CAMTA1: variants seen among roughly 807,000 people sequenced by gnomAD.
CAMTA1 encodes calmodulin binding transcription activator 1, also known as calmodulin-binding transcription activator 1.
In CAMTA1, 27 loss-of-function variants were observed where a neutral mutation model predicts 170.9. That is an observed-to-expected ratio of 0.16 (90% CI 0.12 to 0.22). The LOEUF is 0.22. CAMTA1 is among the 10% of genes least tolerant of loss of function. The pLI is 1.00. For missense variants in CAMTA1, 1,619 were observed against 2,217.2 expected (o/e 0.73, Z 5.42); for synonymous variants, 833 against 891.5 (o/e 0.93, Z 1.17).
intron 4 of CAMTA1, among the ~76,000 whole-genome samples, chr1:7,218,666 G>A (rs946657679): frequency 1.3e-5 from 2 of 152,046 alleles, no homozygotes; most frequent in Non-Finnish European, 2.9e-5. Flanking sequence ...TTTCTTCCCT[G>A]TAGGATGTAC....
At chr1:7,003,425 G>A (rs934809384) in intron 3 of CAMTA1, among the ~76,000 whole-genome samples, 1 of 152,234 alleles carries the variant, frequency 6.6e-6, no homozygotes, top group Non-Finnish European at 1.5e-5. Flanking sequence ...ATGTTTGGTG[G>A]CAGCAGGGGT....
intron 7 of CAMTA1, among the ~76,000 whole-genome samples, chr1:7,659,515 C>T (rs2095936071): frequency 6.6e-6 from 1 of 152,052 alleles, no homozygotes; most frequent in Admixed American, 6.6e-5. Context: ...GCCTGGGCAA[C>T]AGAGCGAGAC....
chr1:6,925,115 A>G (rs538965552), intron 3 of CAMTA1, among the ~76,000 whole-genome samples: 79 of 152,322 alleles, frequency 5.2e-4, no homozygotes, highest in Non-Finnish European at 9.1e-4. Flanking sequence ...GGCAGTGGGC[A>G]GGGGGCCCAA....
intron 3 of CAMTA1, among the ~76,000 whole-genome samples, chr1:6,882,990 G>A (rs72638526): frequency 0.057 from 8,716 of 152,162 alleles, 392 homozygotes; most frequent in East Asian, 0.24. Context: ...TCCACTTCCC[G>A]GGTTCAAGTG....
intron 3 of CAMTA1, among the ~76,000 whole-genome samples, chr1:6,975,177 ACT>A (rs1693196734): frequency 6.6e-6 from 1 of 152,156 alleles, no homozygotes; most frequent in African/African-American, 2.4e-5. Flanking sequence ...AGCATTCCAC[ACT>A]GTCTCCCCCC....
rs79149199 is a variant in CAMTA1, at chr1:7,363,777, C to T, written c.439-104053C>T. On this transcript the variant is annotated intron_variant, in intron 5 of 22. Transcript: ENST00000303635. ...ACTCTCCATGAGTGGAGTGTGGCAG[C>T]GCTGTGGTTAGCTGGCCAGGTGAGG... Among the ~76,000 whole-genome samples the T allele has an allele frequency of 1.1e-3, 170 of 152,210 alleles. 2 individuals carry two copies. The East Asian group carries it at 0.026, about 23-fold the overall frequency.
In CAMTA1 at chr1:7,138,444, A is replaced by G. The variant is rs75645417; in HGVS notation, c.302+47073A>G. On this transcript the variant is annotated intron_variant, in intron 4 of 22. Transcript: ENST00000303635. ...GACTAAAAAGAATCACAAGATTTAA[A>G]TATGCATTTTTATGGATAATTAGAA... Among the ~76,000 whole-genome samples, 1,387 of 152,338 alleles carry G rather than the reference A, an allele frequency of 9.1e-3. 29 individuals are homozygous for G. Among genetic ancestry groups the G allele is most frequent in the African/African-American group, 0.032 (1,319 of 41,566 alleles).
chr1:6,902,038 G>GTC (rs1185809657), intron 3 of CAMTA1, among the ~76,000 whole-genome samples: 4 of 64,150 alleles, frequency 6.2e-5, no homozygotes, highest in Admixed American at 2.0e-4. Flanking sequence ...AGGTGAGACT[G>GTC]TCACACACAC....
chr1:6,801,871 A>G (rs952261175), intron 1 of CAMTA1, among the ~76,000 whole-genome samples: 2 of 151,722 alleles, frequency 1.3e-5, no homozygotes, highest in Non-Finnish European at 2.9e-5. Flanking sequence ...ACAGAAAGTG[A>G]TTTTTAGGTG....
chr1:7,506,672 A>G (rs1416300282), intron 6 of CAMTA1, among the ~76,000 whole-genome samples: 1 of 151,748 alleles, frequency 6.6e-6, no homozygotes, highest in Non-Finnish European at 1.5e-5. Context: ...AATTCACTCT[A>G]ACATCTCATG....
At chr1:6,926,932 T>C (rs11120787) in intron 3 of CAMTA1, among the ~76,000 whole-genome samples, 50,129 of 151,582 alleles carry the variant, frequency 0.33, 9,128 homozygotes, top group Non-Finnish European at 0.41. Context: ...GGTCTTGCTT[T>C]GTTGCCCAGG....
chr1:7,326,831 G>C (rs1217330294), intron 5 of CAMTA1, among the ~76,000 whole-genome samples: 1 of 152,186 alleles, frequency 6.6e-6, no homozygotes, highest in Admixed American at 6.5e-5. Context: ...CAATGAGGGA[G>C]TGAGTAGGAA....
At chr1:6,928,632 A>T (rs1457748624) in intron 3 of CAMTA1, among the ~76,000 whole-genome samples, 1 of 151,694 alleles carries the variant, frequency 6.6e-6, no homozygotes, top group Non-Finnish European at 1.5e-5. Flanking sequence ...CTCCTCCCTC[A>T]CTGACTTCTG....
intron 5 of CAMTA1, among the ~76,000 whole-genome samples, chr1:7,437,328 G>A (rs1000011586): frequency 2.0e-5 from 3 of 152,176 alleles, no homozygotes; most frequent in Admixed American, 6.5e-5. Flanking sequence ...GAGGCTGCAC[G>A]TCCATTCCTC....
chr1:7,528,053 C>T (rs2150023868), intron 6 of CAMTA1, among the ~76,000 whole-genome samples: 1 of 152,294 alleles, frequency 6.6e-6, no homozygotes, highest in South Asian at 2.1e-4. Context: ...ACCAGTGGGA[C>T]CAAGAATCCC....
Position 7,216,583 on chromosome 1 carries a change from T to C in CAMTA1, c.303-32908T>C, listed in dbSNP as rs906878134. ...TGCAGTGCAGTGTTGAGTTCTCGGC[T>C]CACTGCAATCCCCGCTTCCTGGGTT... On this transcript the variant is annotated intron_variant, in intron 4 of 22. Coordinates refer to ENST00000303635, the MANE Select transcript of CAMTA1 (RefSeq NM_015215.4). This position sits in a 1 kb window ranked among gnomAD's most constrained non-coding sequence, Gnocchi z 4.0. Among the ~76,000 whole-genome samples, 6 of 152,182 alleles carry C rather than the reference T, an allele frequency of 3.9e-5. No homozygotes were observed. The highest frequency in any genetic ancestry group is 7.3e-5 in the Non-Finnish European group (5 of 68,032).
intron 3 of CAMTA1, among the ~76,000 whole-genome samples, chr1:6,897,719 A>C (rs1675956946): frequency 6.6e-6 from 1 of 152,204 alleles, no homozygotes; most frequent in South Asian, 2.1e-4. Flanking sequence ...TATTTGTTTG[A>C]AAATGAAACA....
At chr1:6,945,193 A>C (rs900103718) in intron 3 of CAMTA1, among the ~76,000 whole-genome samples, 1 of 152,148 alleles carries the variant, frequency 6.6e-6, no homozygotes, top group Admixed American at 6.5e-5. Context: ...TTGTGATATA[A>C]TTCATATAGC....
At chr1:7,754,502 A>G (rs1480467841) in intron 21 of CAMTA1, among the ~76,000 whole-genome samples, 2 of 152,340 alleles carry the variant, frequency 1.3e-5, no homozygotes, top group African/African-American at 2.4e-5. Flanking sequence ...ATATTTAAAC[A>G]AAACATAAAT....
Sources: allele counts gnomAD v4.1 joint callset (sites outside exome capture counted in the v4.1 genomes callset), GRCh38; gene constraint gnomAD v4.1.1; non-coding constraint Gnocchi (gnomAD v3.1); transcripts MANE v1.5; gene names NCBI Gene and HGNC (gene_info 2026-07-23, HGNC 2026-07-21).